MAP3K7CL: variants seen among roughly 807,000 people sequenced by gnomAD.
The protein encoded by MAP3K7CL is MAP3K7 C-terminal-like protein.
Under a neutral mutation model 18.6 loss-of-function variants are expected in MAP3K7CL, and 16 were observed. The ratio of observed to expected loss-of-function variants is 0.86; its 90% confidence interval spans 0.58 to 1.31. The LOEUF (loss-of-function observed/expected upper bound fraction) is 1.31. Ranked by LOEUF, MAP3K7CL falls within the 50% of genes most tolerant of loss-of-function variation. The pLI is 0.00. For missense variants in MAP3K7CL, 163 were observed against 174.4 expected, an observed-to-expected ratio of 0.93 and a Z score of 0.37; for synonymous variants, 65 against 66.8, an observed-to-expected ratio of 0.97 and a Z score of 0.13.
upstream of MAP3K7CL, among the ~76,000 whole-genome samples, chr21:29,083,888 CCT>C (rs1473111776): frequency 2.0e-5 from 3 of 148,046 alleles, no homozygotes; most frequent in Non-Finnish European, 4.5e-5. Flanking sequence ...TATAATATTA[CCT>C]CTCTTGTTTA....
At chr21:29,108,507 T>C (rs1275462264) in intron 4 of MAP3K7CL, among the ~76,000 whole-genome samples, 1 of 152,218 alleles carries the variant, frequency 6.6e-6, no homozygotes, top group African/African-American at 2.4e-5. Context: ...AGAAACATTA[T>C]ACCAGTTGGC....
In MAP3K7CL at chr21:29,130,661, TAGAG is replaced by T. The variant is rs2086761712; in HGVS notation, c.-299_-296del. 2.0e-6 allele frequency: 2 copies of T among 985,454 alleles called. No homozygotes were observed. The highest frequency in any genetic ancestry group is 2.4e-6 in the Non-Finnish European group (2 of 829,962). The allele number at this position is 985,454 out of a possible 1,614,324, so 61.0% of individuals were successfully genotyped here. ...AGAAAGATGACAACATCCTGGCTGT[TAGAG>T]AGGCAAGGAAAGGAGAGAGGGGTTG... is the stretch of plus-strand genomic sequence containing the variant. On this transcript the variant is annotated 5_prime_UTR_variant, in exon 1 of 5. Coordinates refer to ENST00000399928, the MANE Select transcript of MAP3K7CL (RefSeq NM_001286620.2).
At position 29,135,696 on chromosome 21, in the gene MAP3K7CL, A is replaced by G. The variant is rs1205616430; in HGVS notation, c.70+2282A>G. 3.9e-5 allele frequency among the ~76,000 whole-genome samples: 6 copies of G among 152,328 alleles called. No homozygotes were observed. The East Asian group carries it at 1.2e-3, about 29-fold the overall frequency. The stretch of plus-strand genomic sequence containing the variant: ...TTGGCCCTTGACTAGGAGCTCACAG[A>G]TGTTTTTCATCCATCAGTTTAGACT... On this transcript the variant is annotated intron_variant, in intron 2 of 4. Coordinates refer to ENST00000399928, the MANE Select transcript of MAP3K7CL (RefSeq NM_001286620.2).
At chr21:29,146,714 A>G (rs2087136352) in intron 2 of MAP3K7CL, among the ~76,000 whole-genome samples, 1 of 152,104 alleles carries the variant, frequency 6.6e-6, no homozygotes, top group South Asian at 2.1e-4. Context: ...GAGCAGATAC[A>G]AAACAGATTC....
At chr21:29,109,165 C>T (rs1178383015) in intron 4 of MAP3K7CL, 2 of 1,535,322 alleles carry the variant, frequency 1.3e-6, no homozygotes, top group Non-Finnish European at 1.7e-6. Flanking sequence ...AACGCCCTTT[C>T]CACCAGTGCG....
At chr21:29,151,017 G>A (rs911574159) in intron 3 of MAP3K7CL, among the ~76,000 whole-genome samples, 7 of 151,314 alleles carry the variant, frequency 4.6e-5, no homozygotes, top group African/African-American at 7.3e-5. Context: ...TGATCCGCCC[G>A]CCTCAGCCTC....
At chr21:29,164,799 G>C (rs1288491748) in intron 4 of MAP3K7CL, among the ~76,000 whole-genome samples, 1 of 151,994 alleles carries the variant, frequency 6.6e-6, no homozygotes, top group Non-Finnish European at 1.5e-5. Context: ...TTTCTTGAAA[G>C]CTTTGAAAAA....
intron 4 of MAP3K7CL, among the ~76,000 whole-genome samples, chr21:29,161,699 TACAC>T (rs1180755745): frequency 6.6e-6 from 1 of 151,506 alleles, no homozygotes; most frequent in Non-Finnish European, 1.5e-5. Flanking sequence ...ATAATAAAAA[TACAC>T]ACACACACAA....
intron 3 of MAP3K7CL, among the ~76,000 whole-genome samples, chr21:29,158,945 G>A (rs1428583399): frequency 8.5e-6 from 1 of 117,854 alleles, no homozygotes; most frequent in East Asian, 2.3e-4. Flanking sequence ...TTTTGCAATG[G>A]AGTCTCACTC....
chr21:29,108,994 G>A, intron 4 of MAP3K7CL: 1 of 1,459,154 alleles, frequency 6.9e-7, no homozygotes, highest in South Asian at 1.3e-5. Flanking sequence ...AATGTCGGCT[G>A]GACCCAAATA....
chr21:29,084,082 T>TA (rs1383943136), upstream of MAP3K7CL, among the ~76,000 whole-genome samples: 1 of 144,556 alleles, frequency 6.9e-6, no homozygotes, highest in East Asian at 1.9e-4. Flanking sequence ...TATGTATATA[T>TA]TTTTTTTTCC....
At chr21:29,151,419 A>G (rs2087272290) in intron 3 of MAP3K7CL, among the ~76,000 whole-genome samples, 1 of 152,042 alleles carries the variant, frequency 6.6e-6, no homozygotes. Context: ...GGTTGCTGTG[A>G]GCCAAGATCG....
chr21:29,084,035 A>C (rs1392120920), upstream of MAP3K7CL, among the ~76,000 whole-genome samples: 1 of 147,994 alleles, frequency 6.8e-6, no homozygotes, highest in East Asian at 1.9e-4. Flanking sequence ...ATGTAATATA[A>C]TTATATATAA....
rs754916700 is a variant in MAP3K7CL, at chr21:29,133,420, C to T, written c.70+6C>T. Reference sequence around the variant, plus strand: ...TAGCCTCAATGACGCCTCAGGTATACTCTGCTCTGGAAGAAGGATTGTTTC... The same window carrying T: ...TAGCCTCAATGACGCCTCAGGTATATTCTGCTCTGGAAGAAGGATTGTTTC... On this transcript the variant is annotated splice_donor_region_variant and intron_variant, in intron 2 of 4. Transcript: ENST00000399928. 45 of 1,533,162 alleles carry T rather than the reference C, an allele frequency of 2.9e-5. No individual in the cohort carries two copies. The highest frequency in any genetic ancestry group is 4.0e-5 in the Non-Finnish European group (45 of 1,134,218). 95.0% of individuals were successfully genotyped at this position (1,533,162 alleles called of 1,614,324 possible).
intron 2 of MAP3K7CL, among the ~76,000 whole-genome samples, chr21:29,139,730 A>T (rs953272489): frequency 6.6e-6 from 1 of 151,896 alleles, no homozygotes; most frequent in African/African-American, 2.4e-5. Context: ...GATTATAGGC[A>T]TGCGCCACCA....
intron 3 of MAP3K7CL, among the ~76,000 whole-genome samples, chr21:29,150,525 A>G (rs972063393): frequency 2.6e-5 from 4 of 152,180 alleles, no homozygotes; most frequent in Non-Finnish European, 2.9e-5. Flanking sequence ...TGAAAATTGT[A>G]TAGGAGGTCG....
At chr21:29,131,561 A>G (rs1304641493) in intron 1 of MAP3K7CL, 7 of 152,176 alleles carry the variant, frequency 4.6e-5, no homozygotes, top group African/African-American at 1.4e-4. Flanking sequence ...GATATTTTAT[A>G]TTACTCTTTT....
At chr21:29,092,178 A>G (rs1208866180) in intron 3 of MAP3K7CL, 2 of 436,674 alleles carry the variant, frequency 4.6e-6, no homozygotes, top group African/African-American at 1.9e-5. Context: ...CTTTGTTTTT[A>G]TAAGAAAAAT....
intron 4 of MAP3K7CL, among the ~76,000 whole-genome samples, chr21:29,105,475 G>A (rs1176563255): frequency 6.6e-6 from 1 of 152,166 alleles, no homozygotes; most frequent in Admixed American, 6.5e-5. Context: ...TACCTATAAA[G>A]GAATAATCCT....
Sources: gnomAD v4.1 joint callset for allele counts (sites outside exome capture counted in the v4.1 genomes callset) on GRCh38, gnomAD v4.1.1 for gene constraint, MANE v1.5 for transcripts, NCBI Gene and HGNC (gene_info 2026-07-23, HGNC 2026-07-21) for gene names.